GPD2: variants seen among roughly 807,000 people sequenced by gnomAD.
The protein encoded by GPD2 is glycerol-3-phosphate dehydrogenase 2, also known as glycerol-3-phosphate dehydrogenase, mitochondrial.
In GPD2, 54 loss-of-function variants were observed where a neutral mutation model predicts 82.4. The ratio of observed to expected loss-of-function variants is 0.66; its 90% CI spans 0.53 to 0.82. The LOEUF is 0.82. GPD2 is among the 40% of genes least tolerant of loss of function. GPD2 has a pLI of 0.00. For missense variants in GPD2, 748 were observed against 896.2 expected, an observed-to-expected ratio of 0.83 and a Z score of 2.11; for synonymous variants, 288 against 306.1, an observed-to-expected ratio of 0.94 and a Z score of 0.62.
At chr2:156,579,329 CTT>C (rs59446199) in intron 15 of GPD2, among the ~76,000 whole-genome samples, 165 bp downstream of exon 15, 18 of 135,176 alleles carry the variant, frequency 1.3e-4, no homozygotes, top group Admixed American at 2.2e-4. Context: ...TTTTTTCTTT[CTT>C]TTTTTTTTTT....
chr2:156,493,305 G>A (rs964265760), intron 2 of GPD2, among the ~76,000 whole-genome samples: 1 of 152,172 alleles, frequency 6.6e-6, no homozygotes, highest in Admixed American at 6.5e-5. Flanking sequence ...GTTGTTGGTA[G>A]TGGTTGGATG....
intron 6 of GPD2, among the ~76,000 whole-genome samples, chr2:156,516,304 GA>G (rs1685193998): frequency 6.6e-6 from 1 of 152,150 alleles, no homozygotes; most frequent in Non-Finnish European, 1.5e-5. Context: ...ATAACATATT[GA>G]GGTGAAATTC....
chr2:156,448,644 A>G (rs1007805318), intron 1 of GPD2, among the ~76,000 whole-genome samples: 1 of 152,220 alleles, frequency 6.6e-6, no homozygotes, highest in Non-Finnish European at 1.5e-5. Context: ...GGAGCTTGCC[A>G]TGCAAAGTTG....
intron 6 of GPD2, among the ~76,000 whole-genome samples, chr2:156,527,410 A>T (rs1685652796): frequency 1.3e-5 from 2 of 152,164 alleles, no homozygotes; most frequent in African/African-American, 4.8e-5. Context: ...ACTTACTCAT[A>T]TCACACTTAC....
In GPD2 at chr2:156,510,835, C is replaced by G; in HGVS notation, c.314C>G (p.Ser105Ter). 6.2e-7 allele frequency: 1 copy of G among 1,612,544 alleles called. No homozygotes were observed. Among genetic ancestry groups the G allele is most frequent in the Non-Finnish European group, 8.5e-7 (1 of 1,178,576 alleles). ...CTTGTAGAAAGAGATGATTTCTCAT[C>G]AGGGACCAGCAGCAGAAGCACTAAA... is the stretch of plus-strand genomic sequence containing the variant. The part of the protein sequence containing the change: ...TALVERDDFS[S>*]GTSSRSTKLI... The change falls in exon 4 of 17, where the codon TCA becomes TGA. Residue 105 changes from serine (S) to a stop codon, truncating the protein, a stop_gained. Transcript: ENST00000438166. LOFTEE classifies it high-confidence loss of function.
rs889147278 is a variant in GPD2 at position 156,510,825 on chromosome 2, G to T, written c.304G>T (p.Asp102Tyr). The change falls in exon 4 of 17, where the codon GAT becomes TAT. Residue 102 changes from aspartate (D) to tyrosine (Y), a missense_variant. By Grantham distance (160) the Asp-to-Tyr change is radical. Transcript: ENST00000438166. ...GLKTALVERD[D>Y]FSSGTSSRST... ...AAAAACAGCCCTTGTAGAAAGAGAT[G>T]ATTTCTCATCAGGGACCAGCAGCAG... 1.2e-6 allele frequency: 2 copies of T among 1,612,932 alleles called. No individual in the cohort carries two copies. The highest frequency in any genetic ancestry group is 8.5e-7 in the Non-Finnish European group (1 of 1,179,060).
At chr2:156,498,691 A>G (rs550522783) in intron 3 of GPD2, among the ~76,000 whole-genome samples, 1 of 152,226 alleles carries the variant, frequency 6.6e-6, no homozygotes, top group Non-Finnish European at 1.5e-5. Context: ...GAATGGATAC[A>G]CGATACTGAA....
chr2:156,438,573 A>G (rs1317377717), intron 1 of GPD2, among the ~76,000 whole-genome samples: 1 of 152,182 alleles, frequency 6.6e-6, no homozygotes, highest in Non-Finnish European at 1.5e-5. Context: ...TCAGATCAGT[A>G]TCTAATTTCT....
At chr2:156,534,227 G>A (rs960690831) in intron 6 of GPD2, among the ~76,000 whole-genome samples, 2 of 146,198 alleles carry the variant, frequency 1.4e-5, no homozygotes, top group South Asian at 2.2e-4. Flanking sequence ...TCTTCTTGAT[G>A]TTTAAATGCC....
rs367650555 is a variant in GPD2 at position 156,549,748 on chromosome 2, G to A, written c.802G>A (p.Ala268Thr). Reference protein sequence around the residue: ...PQTGKVRVSGARCKDVLTGQE... With the variant: ...PQTGKVRVSGTRCKDVLTGQE... ...GACAGGGAAAGTGCGTGTGAGCGGCGCACGGTGCAAGGATGTCCTCACAGG... is the reference window on the plus strand; with the variant it reads ...GACAGGGAAAGTGCGTGTGAGCGGCACACGGTGCAAGGATGTCCTCACAGG... Residue 268 changes from alanine (A) to threonine (T), a missense_variant, in exon 7 of 17, where the codon GCA (alanine) becomes ACA (threonine). Physicochemically the swap from Ala to Thr is moderately conservative, Grantham distance 58. Around this residue, in one of 3 missense-constraint regions of GPD2, gnomAD observed 692 missense variants for 809.7 expected, o/e 0.85. Coordinates refer to ENST00000438166, the MANE Select transcript of GPD2 (RefSeq NM_000408.5). 1.5e-5 allele frequency: 24 copies of A among 1,613,628 alleles called. No individual in the cohort carries two copies. Among genetic ancestry groups the A allele is most frequent in the Middle Eastern group, 1.6e-4 (1 of 6,082 alleles).
At chr2:156,437,566 A>C (rs552427802) in intron 1 of GPD2, among the ~76,000 whole-genome samples, 3 of 152,232 alleles carry the variant, frequency 2.0e-5, no homozygotes, top group African/African-American at 7.2e-5. Context: ...GTCAAATTAC[A>C]ACACTCCCTT....
chr2:156,458,002 T>C (rs1682845729), intron 1 of GPD2, among the ~76,000 whole-genome samples: 1 of 152,252 alleles, frequency 6.6e-6, no homozygotes. Flanking sequence ...CAGGGCTGTC[T>C]GTGTCTTCTG....
At chr2:156,566,368 G>GT (rs1687390905) in intron 9 of GPD2, among the ~76,000 whole-genome samples, 1 of 151,958 alleles carries the variant, frequency 6.6e-6, no homozygotes, top group African/African-American at 2.4e-5. Context: ...CCATTCAATA[G>GT]TAACTCTTAT....
At chr2:156,483,475 T>A (rs1259744816) in intron 2 of GPD2, among the ~76,000 whole-genome samples, 2 of 152,206 alleles carry the variant, frequency 1.3e-5, no homozygotes, top group Non-Finnish European at 2.9e-5. Flanking sequence ...AGGTAGGATA[T>A]GAACATTTGA....
intron 1 of GPD2, among the ~76,000 whole-genome samples, chr2:156,449,737 G>C (rs543777332): frequency 6.6e-6 from 1 of 151,978 alleles, no homozygotes; most frequent in Non-Finnish European, 1.5e-5. Context: ...TGGCCTGGGC[G>C]TGGTGGCTTA....
chr2:156,438,106 G>A (rs1682015557), intron 1 of GPD2, among the ~76,000 whole-genome samples: 1 of 152,034 alleles, frequency 6.6e-6, no homozygotes, highest in Non-Finnish European at 1.5e-5. Flanking sequence ...CTCAATGAGT[G>A]ACCTCCAATG....
upstream of GPD2, among the ~76,000 whole-genome samples, chr2:156,431,554 T>C (rs1688317015): frequency 6.6e-6 from 1 of 152,138 alleles, no homozygotes; most frequent in Non-Finnish European, 1.5e-5. Context: ...AAATTAATGA[T>C]TATCTCCCAC....
chr2:156,409,742 T>A, the GPD2 span, among the ~76,000 whole-genome samples: 1 of 152,070 alleles, frequency 6.6e-6, no homozygotes. Context: ...AAGGAACAAT[T>A]CAGCATAGTT....
chr2:156,464,484 G>A (rs1683086627), intron 1 of GPD2, among the ~76,000 whole-genome samples: 1 of 152,110 alleles, frequency 6.6e-6, no homozygotes, highest in Non-Finnish European at 1.5e-5. Flanking sequence ...AAAGACTGCA[G>A]GATGGAAAAA....
Sources: allele counts gnomAD v4.1 joint callset (sites outside exome capture counted in the v4.1 genomes callset), GRCh38; gene constraint gnomAD v4.1.1; regional missense constraint gnomAD v4.1.1; transcripts MANE v1.5; gene names NCBI Gene and HGNC (gene_info 2026-07-23, HGNC 2026-07-21).